Variants in RGS7 observed in about 807,000 individuals in gnomAD.
RGS7 encodes regulator of G protein signaling 7.
Under a neutral mutation model 81.1 loss-of-function variants are expected in RGS7, and 27 were observed. That is an observed-to-expected ratio of 0.33 (90% CI 0.25 to 0.46). The LOEUF (loss-of-function observed/expected upper bound fraction) is 0.46, where lower values mean the gene tolerates loss of function less well. RGS7 is among the 20% of genes least tolerant of loss of function. The pLI is 1.00. For missense variants in RGS7, 396 were observed against 607.4 expected (o/e 0.65, Z 3.66); for synonymous variants, 208 against 207.7 (o/e 1.00, Z -0.01).
chr1:240,890,814 T>C (rs1299062728), intron 6 of RGS7, among the ~76,000 whole-genome samples: 1 of 150,174 alleles, frequency 6.7e-6, no homozygotes, highest in East Asian at 1.9e-4. Flanking sequence ...TTGAACCCAG[T>C]TGTCTGGGAA....
At chr1:241,041,169 C>T (rs2060595195) in intron 3 of RGS7, among the ~76,000 whole-genome samples, 1 of 152,130 alleles carries the variant, frequency 6.6e-6, no homozygotes, top group Admixed American at 6.5e-5. Flanking sequence ...AACAGAAATA[C>T]TTCTGAGATA....
chr1:241,334,153 A>C (rs1407562801), intron 2 of RGS7, among the ~76,000 whole-genome samples: 1 of 152,150 alleles, frequency 6.6e-6, no homozygotes, highest in Non-Finnish European at 1.5e-5. Context: ...AACTCTACCT[A>C]GGATAAACAG....
chr1:240,960,907 T>G (rs1490379445), intron 4 of RGS7, among the ~76,000 whole-genome samples: 1 of 152,186 alleles, frequency 6.6e-6, no homozygotes, highest in Non-Finnish European at 1.5e-5. Context: ...ATTACAAAGC[T>G]ATCTGAAGGA....
intron 3 of RGS7, among the ~76,000 whole-genome samples, chr1:241,094,620 C>CCAAAAA (rs2064124894): frequency 6.6e-6 from 1 of 151,916 alleles, no homozygotes; most frequent in African/African-American, 2.4e-5. Flanking sequence ...AAAACAAAAA[C>CCAAAAA]AAAAACAAAA....
rs1183836458 is a variant in RGS7, at chr1:241,089,165, T to A, written c.175+9501A>T. ...GGAAAAGGAGGGAAAGCATTTTAGA[T>A]GGAGGAAAAAGCAGAGCAGGGATAA... On this transcript the variant is annotated intron_variant, in intron 3 of 18. Transcript: ENST00000440928. Among the ~76,000 whole-genome samples the A allele has an allele frequency of 5.6e-5, 8 of 141,608 alleles. No homozygotes were observed. The East Asian group carries it at 1.7e-3, about 29-fold the overall frequency. The allele number at this position is 141,608 out of a possible 152,430, so 92.9% of individuals were successfully genotyped here.
In RGS7 at chr1:241,113,426, G is replaced by A. The variant is rs146512957; in HGVS notation, c.79-14664C>T. ...TTGAAATGCCCTCCATTGAAAGCCAGCAATTTCTATGTGTCTCCACCAGCC... is the reference window on the plus strand; with the variant it reads ...TTGAAATGCCCTCCATTGAAAGCCAACAATTTCTATGTGTCTCCACCAGCC... On this transcript the variant is annotated intron_variant, in intron 2 of 18. Coordinates refer to ENST00000440928, the MANE Select transcript of RGS7 (RefSeq NM_001364886.1). Among the ~76,000 whole-genome samples, 4 of 152,218 alleles carry A rather than the reference G, an allele frequency of 2.6e-5. No individual in the cohort carries two copies. In the East Asian group the frequency reaches 5.8e-4, roughly 22 times the overall value.
At chr1:241,127,485 C>T (rs375418357) in intron 2 of RGS7, among the ~76,000 whole-genome samples, 2,079 of 152,104 alleles carry the variant, frequency 0.014, 24 homozygotes, top group African/African-American at 0.025. Flanking sequence ...AGGTGGGAAT[C>T]GAACAATGAG....
intron 2 of RGS7, among the ~76,000 whole-genome samples, chr1:241,329,638 A>G (rs1051691364): frequency 1.2e-4 from 18 of 152,222 alleles, no homozygotes; most frequent in African/African-American, 4.3e-4. Flanking sequence ...TAATGACCAT[A>G]AAGTGCCTAA....
intron 2 of RGS7, among the ~76,000 whole-genome samples, chr1:241,148,731 G>A (rs2068531194): frequency 6.6e-6 from 1 of 152,220 alleles, no homozygotes. Flanking sequence ...ATGTGAAAAT[G>A]CATATACATT....
At chr1:241,293,279 ATACT>A (rs1398485869) in intron 2 of RGS7, among the ~76,000 whole-genome samples, 2 of 152,368 alleles carry the variant, frequency 1.3e-5, no homozygotes, top group African/African-American at 2.4e-5. Flanking sequence ...ACAGTACATA[ATACT>A]TACTAATGAT....
chr1:241,354,094 AT>A (rs1431301527), intron 2 of RGS7, among the ~76,000 whole-genome samples: 1 of 152,132 alleles, frequency 6.6e-6, no homozygotes, highest in African/African-American at 2.4e-5. Flanking sequence ...TACTACTATA[AT>A]TTTCCAACCA....
intron 18 of RGS7, among the ~76,000 whole-genome samples, chr1:240,787,994 C>T (rs574979733): frequency 7.2e-5 from 11 of 152,168 alleles, no homozygotes; most frequent in African/African-American, 1.9e-4. Context: ...TGTTTGGTTA[C>T]GATTACGAGG....
chr1:241,209,311 G>T (rs751576421), intron 2 of RGS7, among the ~76,000 whole-genome samples: 1 of 152,194 alleles, frequency 6.6e-6, no homozygotes, highest in Non-Finnish European at 1.5e-5. Context: ...ATTCAGATAA[G>T]TGGGCATAAT....
At chr1:241,282,149 T>A (rs542558388) in intron 2 of RGS7, among the ~76,000 whole-genome samples, 2 of 152,164 alleles carry the variant, frequency 1.3e-5, no homozygotes, top group Non-Finnish European at 2.9e-5. Flanking sequence ...TCTCCCATCC[T>A]CCTCCCCTAG....
chr1:241,334,662 A>G (rs2082147667), intron 2 of RGS7, among the ~76,000 whole-genome samples: 1 of 152,200 alleles, frequency 6.6e-6, no homozygotes, highest in South Asian at 2.1e-4. Context: ...TTCTCTTTCT[A>G]TACTGCAGTT....
chr1:240,822,521 CT>C (rs1691996028), intron 10 of RGS7, among the ~76,000 whole-genome samples: 1 of 152,182 alleles, frequency 6.6e-6, no homozygotes, highest in Non-Finnish European at 1.5e-5. Flanking sequence ...GGTTTCTTCC[CT>C]GTAGGTTTAT....
intron 9 of RGS7, among the ~76,000 whole-genome samples, chr1:240,863,157 G>A (rs1662551704): frequency 6.6e-6 from 1 of 152,050 alleles, no homozygotes; most frequent in Non-Finnish European, 1.5e-5. Context: ...ATGTCGCCCA[G>A]GCTTAAATAT....
At chr1:241,292,903 A>G (rs1013193090) in intron 2 of RGS7, among the ~76,000 whole-genome samples, 1 of 152,280 alleles carries the variant, frequency 6.6e-6, no homozygotes, top group African/African-American at 2.4e-5. Context: ...AAGAGTTCAA[A>G]TAAATTACAA....
At chr1:241,299,713 C>G (rs2079618082) in intron 2 of RGS7, among the ~76,000 whole-genome samples, 1 of 151,576 alleles carries the variant, frequency 6.6e-6, no homozygotes, top group Non-Finnish European at 1.5e-5. Flanking sequence ...TAGATAACAA[C>G]CTGGTACGAT....
Sources: allele counts gnomAD v4.1 joint callset (sites outside exome capture counted in the v4.1 genomes callset), GRCh38; gene constraint gnomAD v4.1.1; transcripts MANE v1.5; gene names NCBI Gene and HGNC (gene_info 2026-07-23, HGNC 2026-07-21).